The following TMPRSS15 variants were observed in gnomAD, a reference collection of about 807,000 sequenced individuals.
TMPRSS15 encodes transmembrane serine protease 15.
Under a neutral mutation model 125.3 loss-of-function variants are expected in TMPRSS15, and 128 were observed. The ratio of observed to expected loss-of-function variants is 1.02; its 90% CI spans 0.89 to 1.18. The LOEUF (loss-of-function observed/expected upper bound fraction) is 1.18. Ranked by LOEUF, TMPRSS15 falls within the 50% of genes most tolerant of loss-of-function variation. The pLI is 0.00. For synonymous variants in TMPRSS15, 446 were observed against 423.2 expected (o/e 1.05, Z -0.66); for missense variants, 1,283 against 1,212.7 (o/e 1.06, Z -0.86).
At chr21:18,275,424 C>A (rs967864670) in intron 23 of TMPRSS15, 88 bp from the exon 24 acceptor site, 4 of 1,476,754 alleles carry the variant, frequency 2.7e-6, no homozygotes, top group Non-Finnish European at 2.8e-6. Flanking sequence ...TTTATTCCAA[C>A]ATTTCACTCT....
chr21:18,327,257 T>C (rs1264582415), intron 15 of TMPRSS15, among the ~76,000 whole-genome samples: 1 of 152,208 alleles, frequency 6.6e-6, no homozygotes, highest in African/African-American at 2.4e-5. Context: ...TTTTCAATGA[T>C]TTGTTTAACT....
intron 1 of TMPRSS15, among the ~76,000 whole-genome samples, chr21:18,416,124 T>C (rs189296932): frequency 1.3e-5 from 2 of 152,040 alleles, no homozygotes; most frequent in East Asian, 3.9e-4. Context: ...CTGCAAAACA[T>C]TGATGACGGA....
intron 1 of TMPRSS15, among the ~76,000 whole-genome samples, chr21:18,428,407 T>C (rs187025547): frequency 1.5e-3 from 222 of 152,254 alleles, no homozygotes; most frequent in African/African-American, 5.2e-3. Context: ...AGGAGCCAAA[T>C]GTTAATCACC....
intron 16 of TMPRSS15, among the ~76,000 whole-genome samples, chr21:18,322,844 T>C (rs1170831862): frequency 6.6e-6 from 1 of 152,204 alleles, no homozygotes; most frequent in East Asian, 1.9e-4. Context: ...CAATAATTTA[T>C]GGTACATTTC....
intron 1 of TMPRSS15, among the ~76,000 whole-genome samples, chr21:18,436,352 A>T (rs2076227882): frequency 6.6e-6 from 1 of 152,122 alleles, no homozygotes; most frequent in Admixed American, 6.5e-5. Flanking sequence ...CATTGGTTTC[A>T]AAGAACATCT....
intron 19 of TMPRSS15, among the ~76,000 whole-genome samples, chr21:18,295,616 G>A (rs1252558682): frequency 6.6e-6 from 1 of 152,124 alleles, no homozygotes; most frequent in Non-Finnish European, 1.5e-5. Context: ...ATATGATAAA[G>A]TTTATTTGAA....
chr21:18,288,805 G>C (rs371135296), intron 21 of TMPRSS15, among the ~76,000 whole-genome samples: 1 of 150,790 alleles, frequency 6.6e-6, no homozygotes, highest in Non-Finnish European at 1.5e-5. Context: ...CAAAGTGCTA[G>C]GATTACAGGC....
At chr21:18,443,771 G>A (rs2076248419) in intron 1 of TMPRSS15, among the ~76,000 whole-genome samples, 1 of 152,212 alleles carries the variant, frequency 6.6e-6, no homozygotes, top group Admixed American at 6.5e-5. Context: ...CACCTGAATG[G>A]CAGAGCTGGC....
chr21:18,390,806 TA>T (rs940666431), intron 3 of TMPRSS15, among the ~76,000 whole-genome samples: 2 of 152,142 alleles, frequency 1.3e-5, no homozygotes, highest in African/African-American at 4.8e-5. Context: ...TACACTACTA[TA>T]AAGAAATACC....
At chr21:18,307,293 G>T (rs552261563) in intron 18 of TMPRSS15, among the ~76,000 whole-genome samples, 1 of 152,124 alleles carries the variant, frequency 6.6e-6, no homozygotes, top group Non-Finnish European at 1.5e-5. Flanking sequence ...AAGGCAGTGG[G>T]ATGTACTACT....
intron 1 of TMPRSS15, among the ~76,000 whole-genome samples, chr21:18,474,702 GAGA>G (rs1483038423): frequency 1.3e-5 from 2 of 152,200 alleles, no homozygotes; most frequent in African/African-American, 4.8e-5. Flanking sequence ...GCCAAAAGCT[GAGA>G]AGATCAGAAC....
At chr21:18,448,204 A>T (rs2076259621) in intron 1 of TMPRSS15, among the ~76,000 whole-genome samples, 2 of 152,204 alleles carry the variant, frequency 1.3e-5, no homozygotes, top group South Asian at 4.1e-4. Flanking sequence ...CACCACAGTG[A>T]TCTACATACA....
At chr21:18,422,469 A>G (rs549583338) in intron 1 of TMPRSS15, among the ~76,000 whole-genome samples, 1 of 152,362 alleles carries the variant, frequency 6.6e-6, no homozygotes, top group East Asian at 1.9e-4. Context: ...TTTTGAAAAC[A>G]GGATAAAATG....
At chr21:18,392,045 T>C (rs1257237003) in intron 3 of TMPRSS15, among the ~76,000 whole-genome samples, 1 of 151,944 alleles carries the variant, frequency 6.6e-6, no homozygotes, top group East Asian at 1.9e-4. Flanking sequence ...AGCAGTGGGG[T>C]CCTGGGCCCC....
chr21:18,449,733 T>A (rs909943862), intron 1 of TMPRSS15, among the ~76,000 whole-genome samples: 2 of 152,002 alleles, frequency 1.3e-5, no homozygotes, highest in Non-Finnish European at 2.9e-5. Context: ...GTGAGTATCT[T>A]GGCAATGGAA....
intron 4 of TMPRSS15, among the ~76,000 whole-genome samples, chr21:18,382,709 T>G (rs1242743268): frequency 6.6e-6 from 1 of 152,136 alleles, no homozygotes; most frequent in Non-Finnish European, 1.5e-5. Flanking sequence ...CATCCAAAAA[T>G]TTCTGAATTC....
At chr21:18,427,778 A>G (rs952590017) in intron 1 of TMPRSS15, among the ~76,000 whole-genome samples, 2 of 152,138 alleles carry the variant, frequency 1.3e-5, no homozygotes, top group Non-Finnish European at 2.9e-5. Context: ...TTTTTAAAAC[A>G]TTTTTTTCCC....
At chr21:18,464,447 C>A (rs1978615594) in intron 1 of TMPRSS15, among the ~76,000 whole-genome samples, 1 of 151,720 alleles carries the variant, frequency 6.6e-6, no homozygotes, top group Non-Finnish European at 1.5e-5. Context: ...CACGAGAAAC[C>A]CTTCAAAAAA....
At chr21:18,428,254 G>A (rs66739490) in intron 1 of TMPRSS15, among the ~76,000 whole-genome samples, 47,190 of 152,068 alleles carry the variant, frequency 0.31, 9,001 homozygotes, top group East Asian at 0.79. Context: ...CAGGTGACTT[G>A]GGTGCGTTAA....
Sources: allele counts gnomAD v4.1 joint callset (sites outside exome capture counted in the v4.1 genomes callset), GRCh38; gene constraint gnomAD v4.1.1; transcripts MANE v1.5; gene names NCBI Gene and HGNC (gene_info 2026-07-23, HGNC 2026-07-21).